Variants in ZFHX4 observed in about 807,000 individuals in gnomAD.
ZFHX4 encodes the protein zinc finger homeobox 4, also known as zinc finger homeobox protein 4.
Under a neutral mutation model 267.6 loss-of-function variants are expected in ZFHX4, and 56 were observed. The observed-to-expected ratio is 0.21, with a 90% CI of 0.17 to 0.26. The LOEUF is 0.26. Ranked by LOEUF, ZFHX4 falls within the 10% of genes least tolerant of loss-of-function variation. The pLI, the probability that ZFHX4 is intolerant of heterozygous loss-of-function variation, is 1.00. For missense variants in ZFHX4, 4,332 were observed against 4,420.0 expected (o/e 0.98, Z 0.56); for synonymous variants, 1,778 against 1,665.6 (o/e 1.07, Z -1.64).
chr8:76,721,358 A>G (rs1808716916), intron 3 of ZFHX4, among the ~76,000 whole-genome samples: 1 of 152,128 alleles, frequency 6.6e-6, no homozygotes, highest in Admixed American at 6.6e-5. Context: ...ACTTAAGTAT[A>G]TGTTGTTTGA....
intron 3 of ZFHX4, among the ~76,000 whole-genome samples, chr8:76,714,572 G>A (rs991008548): frequency 2.0e-5 from 3 of 152,336 alleles, no homozygotes; most frequent in Admixed American, 2.0e-4. Flanking sequence ...CACCTTCACA[G>A]ATTCTATAAC....
intron 4 of ZFHX4, among the ~76,000 whole-genome samples, chr8:76,821,900 A>C (rs1478071331): frequency 6.6e-6 from 1 of 151,366 alleles, no homozygotes; most frequent in African/African-American, 2.4e-5. Context: ...TCTCTAGGTT[A>C]TCTCATTCAA....
chr8:76,718,375 C>T (rs1424574535), intron 3 of ZFHX4, among the ~76,000 whole-genome samples: 1 of 152,028 alleles, frequency 6.6e-6, no homozygotes, highest in African/African-American at 2.4e-5. Flanking sequence ...CCTGTGATAT[C>T]TTTTGAGAAG....
At chr8:76,701,142 A>G (rs890425478) in intron 1 of ZFHX4, among the ~76,000 whole-genome samples, 2 of 152,156 alleles carry the variant, frequency 1.3e-5, no homozygotes, top group Non-Finnish European at 2.9e-5. Flanking sequence ...ATCTATACAA[A>G]CTAAAGTGAT....
Position 76,854,651 on chromosome 8 carries a change from C to T in ZFHX4, c.7730C>T (p.Ser2577Phe). The T allele has an allele frequency of 7.4e-6, 12 of 1,613,730 alleles. No homozygotes were observed. The highest frequency in any genetic ancestry group is 9.3e-6 in the Non-Finnish European group (11 of 1,179,870). The change falls in exon 10 of 11, where the codon TCC (serine) becomes TTC (phenylalanine). Residue 2577 changes from serine (S) to phenylalanine (F), a missense_variant. This residue lies in a region of ZFHX4 where 1,648 missense variants were observed against 1,625.0 expected (regional missense o/e 1.01). Transcript: ENST00000651372. Reference sequence around the variant, plus strand: ...ACAGCCCCCACAACGGTTGCTGCTTCCCTAAAAAGGAAACTAGACGATAAA... The same window carrying T: ...ACAGCCCCCACAACGGTTGCTGCTTTCCTAAAAAGGAAACTAGACGATAAA... The part of the protein sequence containing the change: ...HTTAPTTVAA[S>F]LKRKLDDKED...
chr8:76,783,017 G>A (rs1343703444), intron 4 of ZFHX4, among the ~76,000 whole-genome samples: 1 of 152,022 alleles, frequency 6.6e-6, no homozygotes, highest in African/African-American at 2.4e-5. Context: ...ATTAGCAGAA[G>A]AGCATAGAAA....
At chr8:76,790,320 G>A (rs2131803939) in intron 4 of ZFHX4, among the ~76,000 whole-genome samples, 1 of 152,138 alleles carries the variant, frequency 6.6e-6, no homozygotes, top group East Asian at 1.9e-4. Context: ...TTCATCTTAG[G>A]AAACTTAGGC....
At chr8:76,835,245 A>ATATATATATGTG (rs1554572201) in intron 5 of ZFHX4, among the ~76,000 whole-genome samples, 12 of 129,142 alleles carry the variant, frequency 9.3e-5, no homozygotes, top group Admixed American at 3.0e-4. Context: ...ATATATGTAT[A>ATATATATATGTG]TATATATATA....
At chr8:76,792,248 C>G (rs1374001104) in intron 4 of ZFHX4, among the ~76,000 whole-genome samples, 1 of 152,068 alleles carries the variant, frequency 6.6e-6, no homozygotes, top group African/African-American at 2.4e-5. Flanking sequence ...AGGTGTGTCA[C>G]TGGTGTTTAG....
At chr8:76,775,456 A>G (rs931525560) in intron 3 of ZFHX4, among the ~76,000 whole-genome samples, 11 of 152,214 alleles carry the variant, frequency 7.2e-5, no homozygotes, top group Non-Finnish European at 1.2e-4. Flanking sequence ...GTGCCAAAAA[A>G]GCTTTCTTCT....
In ZFHX4 at chr8:76,737,940, C is replaced by T. The variant is rs575224022; in HGVS notation, c.3093+29892C>T. Among the ~76,000 whole-genome samples, 29 of 152,230 alleles carry T rather than the reference C, an allele frequency of 1.9e-4. No homozygotes were observed. In the South Asian group the frequency reaches 6.0e-3, roughly 32 times the overall value. ...CTGTGAGGTTAAATTCTTACTTATA[C>T]ATTTAAGAATCAGGACAGAGATCCC... On this transcript the variant is annotated intron_variant, in intron 3 of 10. Transcript: ENST00000651372.
rs981578135 is a variant in ZFHX4, at chr8:76,803,106, A to G, written c.3325+24667A>G. Among the ~76,000 whole-genome samples the G allele has an allele frequency of 2.6e-5, 4 of 152,148 alleles. 1 individual carries two copies. Among genetic ancestry groups the G allele is most frequent in the African/African-American group, 9.7e-5 (4 of 41,438 alleles). On this transcript the variant is annotated intron_variant, in intron 4 of 10. Transcript: ENST00000651372. ...GTCAGCACACTTGAGCTGTCAACCA[A>G]CAGTAAGCAATATCCATTTAACAGG...
Position 76,819,746 on chromosome 8 carries a change from T to C in ZFHX4, c.3326-13592T>C, listed in dbSNP as rs376158275. On this transcript the variant is annotated intron_variant, in intron 4 of 10. Coordinates refer to ENST00000651372, the MANE Select transcript of ZFHX4 (RefSeq NM_024721.5). The stretch of plus-strand genomic sequence containing the variant: ...CCGTGGAACAAATGAAAACTGATTC[T>C]CCAATATTCCATTTGGCCTCACCCT... Among the ~76,000 whole-genome samples the C allele has an allele frequency of 7.2e-4, 109 of 152,324 alleles. 1 individual carries two copies. The highest frequency in any genetic ancestry group is 6.8e-3 in the Middle Eastern group (2 of 294).
In ZFHX4 at chr8:76,707,584, G is replaced by A; in HGVS notation, c.2629G>A (p.Gly877Ser). ...GCCGCCTGAAATCCGGCTTGCCAGT[G>A]GTCAGCTAATGGGTGATGACCTGTC... The part of the protein sequence containing the change: ...ELPPEIRLAS[G>S]QLMGDDLSLL... Residue 877 changes from glycine (G) to serine (S), a missense_variant, in exon 3 of 11, where the codon GGT becomes AGT. Physicochemically the swap from Gly to Ser is moderately conservative, Grantham distance 56. Around this residue, in one of 7 missense-constraint regions of ZFHX4, gnomAD observed 1,195 missense variants for 1,173.6 expected, o/e 1.02. Coordinates refer to ENST00000651372, the MANE Select transcript of ZFHX4 (RefSeq NM_024721.5). The A allele has an allele frequency of 6.3e-7, 1 of 1,599,820 alleles. No individual in the cohort carries two copies.
Position 76,863,395 on chromosome 8 carries a change from A to G in ZFHX4, c.9681A>G (p.Ser3227=). Residue 3227 remains serine, a synonymous_variant, in exon 11 of 11, where the codon TCA becomes TCG. Transcript: ENST00000651372. ...KKEEKISSAL[S]VLGKVVGETH... The stretch of plus-strand genomic sequence containing the variant: ...AGGAAAAAATCTCATCTGCTCTTTC[A>G]GTGTTGGGCAAAGTTGTAGGTGAAA... 6.2e-7 allele frequency: 1 copy of G among 1,614,018 alleles called. No homozygotes were observed. Among genetic ancestry groups the G allele is most frequent in the Non-Finnish European group, 8.5e-7 (1 of 1,179,868 alleles).
chr8:76,849,122 T>C lies in ZFHX4; in HGVS notation c.3639T>C (p.His1213=), dbSNP rs1173718241. 6.4e-7 allele frequency: 1 copy of C among 1,550,858 alleles called. No homozygotes were observed. The highest frequency in any genetic ancestry group is 8.7e-7 in the Non-Finnish European group (1 of 1,148,286). Residue 1213 remains histidine (H), a synonymous_variant, in exon 7 of 11, where the codon CAT becomes CAC. Coordinates refer to ENST00000651372, the MANE Select transcript of ZFHX4 (RefSeq NM_024721.5). ...SKPTEDNKFC[H]EQFYQCPYCN... is the part of the protein sequence containing the mutation. Reference sequence around the variant, plus strand: ...CTACAGAGGACAATAAATTCTGTCATGAACAGGTAAATACTTTTTTTCCCC... The same window carrying C: ...CTACAGAGGACAATAAATTCTGTCACGAACAGGTAAATACTTTTTTTCCCC...
intron 4 of ZFHX4, among the ~76,000 whole-genome samples, chr8:76,828,190 T>C (rs1234215194): frequency 6.6e-6 from 1 of 152,168 alleles, no homozygotes; most frequent in Non-Finnish European, 1.5e-5. Flanking sequence ...ACTAAGATAA[T>C]AATAAATGTT....
At chr8:76,762,219 C>T (rs900717799) in intron 3 of ZFHX4, among the ~76,000 whole-genome samples, 4 of 151,954 alleles carry the variant, frequency 2.6e-5, no homozygotes, top group African/African-American at 4.8e-5. Flanking sequence ...ATAGATATAG[C>T]CTCTTGGAGA....
chr8:76,721,970 A>G (rs2131640836), intron 3 of ZFHX4, among the ~76,000 whole-genome samples: 1 of 152,228 alleles, frequency 6.6e-6, no homozygotes, highest in East Asian at 1.9e-4. Context: ...ATGAGTATAA[A>G]AGTATGAATA....
Sources: gnomAD v4.1 joint callset for allele counts (sites outside exome capture counted in the v4.1 genomes callset) on GRCh38, gnomAD v4.1.1 for gene constraint, gnomAD v4.1.1 regional missense constraint, MANE v1.5 for transcripts, NCBI Gene and HGNC (gene_info 2026-07-23, HGNC 2026-07-21) for gene names.